Variants in CPSF4L observed in about 807,000 individuals in gnomAD.
CPSF4L encodes the protein putative cleavage and polyadenylation specificity factor subunit 4-like protein.
In CPSF4L, 18 loss-of-function variants were observed where a neutral mutation model predicts 24.0. The observed-to-expected ratio is 0.75, with a 90% confidence interval of 0.52 to 1.11. The LOEUF (loss-of-function observed/expected upper bound fraction) is 1.11, where lower values mean the gene tolerates loss of function less well. CPSF4L is among the 50% of genes least tolerant of loss of function. The pLI is 0.00. For missense variants in CPSF4L, 211 were observed against 221.8 expected, an observed-to-expected ratio of 0.95 and a Z score of 0.31; for synonymous variants, 72 against 77.2, an observed-to-expected ratio of 0.93 and a Z score of 0.35.
upstream of CPSF4L, among the ~76,000 whole-genome samples, chr17:73,262,627 T>G (rs1388766246): frequency 6.6e-6 from 1 of 152,210 alleles, no homozygotes; most frequent in East Asian, 1.9e-4. Context: ...ACACCACCCC[T>G]GCCTGCAGGG....
chr17:73,252,813 G>C, intron 4 of CPSF4L, 90 bp from the exon 5 acceptor site: 1 of 769,374 alleles, frequency 1.3e-6, no homozygotes, highest in Non-Finnish European at 2.1e-6. Flanking sequence ...GGGTGTGGAT[G>C]GTCATAGGGG....
rs895145246 is a variant in CPSF4L at position 73,252,655 on chromosome 17, C to T, written c.472G>A (p.Glu158Lys). The part of the protein sequence containing the change: ...CLNYLVGFCP[E>K]GPKCQFAQKI... ...TGAGCAAATTGGCACTTGGGTCCCT[C>T]GGGGCAGAAGCCAACTAAATAGTTG... The change falls in exon 5 of 6, where the codon GAG becomes AAG. Residue 158 changes from glutamate (E) to lysine (K), a missense_variant. By Grantham distance (56) the Glu-to-Lys change is moderately conservative (BLOSUM62 1). Transcript: ENST00000344935. The T allele has an allele frequency of 6.4e-6, 10 of 1,551,150 alleles. No individual in the cohort carries two copies. The highest frequency in any genetic ancestry group is 5.9e-5 in the Admixed American group (3 of 50,954).
At chr17:73,248,869 T>C (rs967900669) in intron 5 of CPSF4L, 1 of 269,926 alleles carries the variant, frequency 3.7e-6, no homozygotes, top group Non-Finnish European at 7.1e-6. Context: ...TAAAATCATT[T>C]TATTATCAGC....
At chr17:73,247,398 T>C, downstream of CPSF4L, 1 of 1,571,360 alleles carries the variant, frequency 6.4e-7, no homozygotes, top group South Asian at 1.1e-5. Context: ...CTTCGTGCCC[T>C]GTGTTGCCCA....
At chr17:73,263,395 C>T (rs1397231075), upstream of CPSF4L, among the ~76,000 whole-genome samples, 2 of 152,096 alleles carry the variant, frequency 1.3e-5, no homozygotes, top group South Asian at 2.1e-4. Context: ...AAGGAGGGGA[C>T]ATTAGCCATT....
chr17:73,257,771 G>T lies in CPSF4L; in HGVS notation c.217C>A (p.Arg73=). Residue 73 remains arginine, a synonymous_variant, in exon 3 of 6, where the codon CGG becomes AGG. Coordinates refer to ENST00000344935, the MANE Select transcript of CPSF4L (RefSeq NM_001129885.1). ...TGATCACCCTTCTTGCAGAGCCCCC[G>T]GAGCCAGTGCTTGCATACCACCATC... ...EKMVVCKHWL[R]GLCKKGDHCK... 1.9e-6 allele frequency: 3 copies of T among 1,551,556 alleles called. 1 individual carries two copies. In the South Asian group the frequency reaches 3.6e-5, roughly 18 times the overall value.
downstream of CPSF4L, among the ~76,000 whole-genome samples, chr17:73,244,290 C>T (rs771057346): frequency 1.1e-4 from 17 of 152,102 alleles, no homozygotes; most frequent in African/African-American, 2.4e-4. Context: ...GGGCCGGGCG[C>T]GGTGGCTCAC....
upstream of CPSF4L, among the ~76,000 whole-genome samples, chr17:73,262,672 G>T (rs2062051866): frequency 6.6e-6 from 1 of 152,250 alleles, no homozygotes; most frequent in Admixed American, 6.5e-5. Flanking sequence ...AAAGGAGCAT[G>T]TTAGGGCTCT....
the CPSF4L span, chr17:73,242,973 CTG>C: frequency 6.2e-7 from 1 of 1,613,866 alleles, no homozygotes; most frequent in Non-Finnish European, 8.5e-7. Context: ...ATACTTCGTC[CTG>C]TGTTGTAGCT....
At chr17:73,263,760 A>G (rs2062055399), upstream of CPSF4L, among the ~76,000 whole-genome samples, 1 of 149,112 alleles carries the variant, frequency 6.7e-6, no homozygotes, top group Non-Finnish European at 1.5e-5. Flanking sequence ...GGTCGGGGGA[A>G]GACTGGACAG....
At chr17:73,254,963 C>T (rs765924879) in intron 3 of CPSF4L, among the ~76,000 whole-genome samples, 2 of 152,156 alleles carry the variant, frequency 1.3e-5, no homozygotes, top group Non-Finnish European at 2.9e-5. Flanking sequence ...TTTAAGAGCT[C>T]TCTTAGATTT....
intron 4 of CPSF4L, among the ~76,000 whole-genome samples, chr17:73,253,435 G>T (rs530382569): frequency 6.6e-6 from 1 of 152,150 alleles, no homozygotes; most frequent in South Asian, 2.1e-4. Context: ...TAAGAACTCC[G>T]TAAGAAAAAC....
downstream of CPSF4L, among the ~76,000 whole-genome samples, chr17:73,246,891 G>A (rs1279959238): frequency 3.9e-5 from 6 of 152,152 alleles, no homozygotes; most frequent in Non-Finnish European, 5.9e-5. Flanking sequence ...CTCTGTGAAT[G>A]CTCTTTAGGA....
chr17:73,258,491 G>A (rs957207704), intron 2 of CPSF4L, among the ~76,000 whole-genome samples: 1 of 149,588 alleles, frequency 6.7e-6, no homozygotes, highest in African/African-American at 2.5e-5. Context: ...TAGTAGAGAC[G>A]GGGTTTCACC....
In CPSF4L at chr17:73,248,458, T is replaced by C; in HGVS notation, c.*36A>G. 1 of 1,546,176 alleles carries C rather than the reference T, an allele frequency of 6.5e-7. No homozygotes were observed. The highest frequency in any genetic ancestry group is 8.8e-7 in the Non-Finnish European group (1 of 1,141,926). On this transcript the variant is annotated 3_prime_UTR_variant, in exon 6 of 6. Coordinates refer to ENST00000344935, the MANE Select transcript of CPSF4L (RefSeq NM_001129885.1). ...TAAAAGTCGTGTTCTGCCCTGTCTG[T>C]GGCATTGGAGTGCCCCGCTAGGTAA...
At chr17:73,242,949 AT>A in the CPSF4L span, 6 of 1,613,872 alleles carry the variant, frequency 3.7e-6, no homozygotes, top group African/African-American at 6.7e-5. Flanking sequence ...TGGCATCACG[AT>A]GCTCTTCACA....
downstream of CPSF4L, among the ~76,000 whole-genome samples, chr17:73,244,130 A>G (rs2061901685): frequency 6.6e-6 from 1 of 152,240 alleles, no homozygotes; most frequent in African/African-American, 2.4e-5. Context: ...AATTTCATTT[A>G]TCTTAATTCA....
At position 73,253,940 on chromosome 17, in the gene CPSF4L, A is replaced by G. The variant is rs1316770883; in HGVS notation, c.394T>C (p.Cys132Arg). Residue 132 changes from cysteine to arginine, a missense_variant, in exon 4 of 6, where the codon TGC becomes CGC. By Grantham distance (180) the Cys-to-Arg change is radical. Coordinates refer to ENST00000344935, the MANE Select transcript of CPSF4L (RefSeq NM_001129885.1). ...QDCPWYDQGF[C>R]KDGPLCKYRH... The stretch of plus-strand genomic sequence containing the variant: ...GCTTCCAAGGCCTCACCGTCCTTGC[A>G]GAAACCTTGGTCATACCAAGGACAG... The G allele has an allele frequency of 1.3e-6, 2 of 1,551,034 alleles. No homozygotes were observed. The highest frequency in any genetic ancestry group is 3.9e-5 in the Admixed American group (2 of 50,976).
At chr17:73,261,571 G>C (rs1296744777) in intron 1 of CPSF4L, 145 bp downstream of exon 1, 1 of 620,522 alleles carries the variant, frequency 1.6e-6, no homozygotes, top group Non-Finnish European at 2.9e-6. Flanking sequence ...TGAGGCAGGA[G>C]AATGGCGTGA....
Sources: allele counts gnomAD v4.1 joint callset (sites outside exome capture counted in the v4.1 genomes callset), GRCh38; gene constraint gnomAD v4.1.1; transcripts MANE v1.5; gene names NCBI Gene and HGNC (gene_info 2026-07-23, HGNC 2026-07-21).